Variants in ANKRD46 observed in about 807,000 individuals in gnomAD.
ANKRD46 encodes ankyrin repeat domain-containing protein 46.
Under a neutral mutation model 19.8 loss-of-function variants are expected in ANKRD46, and 13 were observed. The ratio of observed to expected loss-of-function variants is 0.66; its 90% CI spans 0.43 to 1.04. The LOEUF (loss-of-function observed/expected upper bound fraction) is 1.04, where lower values mean the gene tolerates loss of function less well. Ranked by LOEUF, ANKRD46 falls within the 50% of genes least tolerant of loss-of-function variation. The probability of loss-of-function intolerance (pLI) is 0.00; values close to 1 mark genes in which losing one functional copy is unlikely to be tolerated. For synonymous variants in ANKRD46, 91 were observed against 106.9 expected, an observed-to-expected ratio of 0.85 and a Z score of 0.92; for missense variants, 185 against 274.8, an observed-to-expected ratio of 0.67 and a Z score of 2.31.
In ANKRD46 at chr8:100,532,991, A is replaced by C. The variant is rs533812046; in HGVS notation, c.-28+218T>G. Among the ~76,000 whole-genome samples, 1 of 152,370 alleles carries C rather than the reference A, an allele frequency of 6.6e-6. No individual in the cohort carries two copies. The highest frequency in any genetic ancestry group is 6.5e-5 in the Admixed American group (1 of 15,308). Reference sequence around the variant, plus strand: ...CTAGGATACTTCTGAGTGTTGGCTCAGCAAGAAATACAAGTCTCTGTGTCT... The same window carrying C: ...CTAGGATACTTCTGAGTGTTGGCTCCGCAAGAAATACAAGTCTCTGTGTCT... On this transcript the variant is annotated intron_variant, in intron 2 of 4. Transcript: ENST00000335659. This position sits in a 1 kb window ranked among gnomAD's most constrained non-coding sequence, Gnocchi z 4.7.
chr8:100,533,477 A>G (rs1812004314), intron 1 of ANKRD46, among the ~76,000 whole-genome samples, 166 bp from the exon 2 acceptor site: 1 of 152,240 alleles, frequency 6.6e-6, no homozygotes, highest in Non-Finnish European at 1.5e-5. Context: ...GTAACAAAGT[A>G]GTGAAAAGGA....
intron 1 of ANKRD46, chr8:100,551,081 CA>C: frequency 2.0e-6 from 1 of 510,704 alleles, no homozygotes; most frequent in Non-Finnish European, 3.8e-6. Context: ...ACAGCCTTGG[CA>C]ACACCAGTAG....
chr8:100,523,929 C>A (rs1454400348), intron 4 of ANKRD46, among the ~76,000 whole-genome samples: 1 of 152,212 alleles, frequency 6.6e-6, no homozygotes, highest in Non-Finnish European at 1.5e-5. Flanking sequence ...CAGGCATGAG[C>A]CACCACAGCT....
At position 100,546,904 on chromosome 8, in the gene ANKRD46, T is replaced by C. The variant is rs1029239207; in HGVS notation, c.-131+12807A>G. On this transcript the variant is annotated intron_variant, in intron 1 of 4. Coordinates refer to ENST00000335659, the MANE Select transcript of ANKRD46 (RefSeq NM_001270377.2). The surrounding 1 kb of genome is among the most constrained non-coding windows in gnomAD (Gnocchi z 4.0). ...TGACTGCCTGGCTGGGTTTCAGACT[T>C]GCATGAGGCCTGAGGCCCCTTTGTT... Among the ~76,000 whole-genome samples the C allele has an allele frequency of 6.6e-6, 1 of 152,334 alleles. No homozygotes were observed. Among genetic ancestry groups the C allele is most frequent in the South Asian group, 2.1e-4 (1 of 4,830 alleles).
At position 100,557,623 on chromosome 8, in the gene ANKRD46, TG is replaced by T. The variant is rs1563495441; in HGVS notation, c.-131+2087del. ...CAGAGTAAAAGCAAAAGTCCTTACCTGGGCCCATTAGCTCTCTGACCTTGTC... is the reference window on the plus strand; with the variant it reads ...CAGAGTAAAAGCAAAAGTCCTTACCTGGCCCATTAGCTCTCTGACCTTGTC... On this transcript the variant is annotated intron_variant, in intron 1 of 4. Coordinates refer to ENST00000335659, the MANE Select transcript of ANKRD46 (RefSeq NM_001270377.2). This position sits in a 1 kb window ranked among gnomAD's most constrained non-coding sequence, Gnocchi z 5.9. Among the ~76,000 whole-genome samples, 1 of 152,204 alleles carries T rather than the reference TG, an allele frequency of 6.6e-6. No homozygotes were observed. Among genetic ancestry groups the T allele is most frequent in the Non-Finnish European group, 1.5e-5 (1 of 68,028 alleles).
rs1401520469 is a variant in ANKRD46, at chr8:100,538,874, CTG to C, written c.-130-5565_-130-5564del. On this transcript the variant is annotated intron_variant, in intron 1 of 4. Transcript: ENST00000335659. The stretch of plus-strand genomic sequence containing the variant: ...TCTTGTCAGATGCTGTTAAAAGAAA[CTG>C]GATACTAAGGGATGACTGTATTCTA... Among the ~76,000 whole-genome samples the C allele has an allele frequency of 3.3e-5, 5 of 152,202 alleles. No individual in the cohort carries two copies. The East Asian group carries it at 7.7e-4, about 23-fold the overall frequency.
At chr8:100,540,621 C>T (rs890875607) in intron 1 of ANKRD46, among the ~76,000 whole-genome samples, 2 of 152,100 alleles carry the variant, frequency 1.3e-5, no homozygotes, top group Admixed American at 6.5e-5. Context: ...ACACCAACAA[C>T]GATTTCTGAT....
intron 4 of ANKRD46, among the ~76,000 whole-genome samples, 166 bp from the exon 5 acceptor site, chr8:100,522,937 G>A (rs548679502): frequency 6.8e-6 from 1 of 147,462 alleles, no homozygotes; most frequent in African/African-American, 2.5e-5. Context: ...ACATGCTTAC[G>A]TATCTGAACA....
downstream of ANKRD46, among the ~76,000 whole-genome samples, chr8:100,517,275 C>T (rs368354617): frequency 5.3e-5 from 8 of 152,192 alleles, no homozygotes; most frequent in East Asian, 1.5e-3. Context: ...ATCTTCTTTA[C>T]CTTTGCTGCC....
chr8:100,522,792 A>G, intron 4 of ANKRD46, 21 bp from the exon 5 acceptor site: 1 of 1,609,058 alleles, frequency 6.2e-7, no homozygotes, highest in Non-Finnish European at 8.5e-7. Context: ...AGAAAGAGCA[A>G]AAAGGGCATT....
intron 1 of ANKRD46, among the ~76,000 whole-genome samples, chr8:100,547,139 T>C (rs1812288910): frequency 6.6e-6 from 1 of 152,162 alleles, no homozygotes; most frequent in African/African-American, 2.4e-5. Flanking sequence ...ATGATTGGTT[T>C]TGAAATGTGA....
intron 1 of ANKRD46, chr8:100,554,709 A>T (rs1260599122): frequency 6.6e-6 from 1 of 152,150 alleles, no homozygotes; most frequent in African/African-American, 2.4e-5. Context: ...TGAGCAACAG[A>T]GCAAAACCCT....
downstream of ANKRD46, among the ~76,000 whole-genome samples, chr8:100,517,059 T>C (rs1469230357): frequency 6.6e-6 from 1 of 152,170 alleles, no homozygotes; most frequent in Non-Finnish European, 1.5e-5. Context: ...GTTTCTCTAA[T>C]GGTGAGGTGG....
At position 100,529,948 on chromosome 8, in the gene ANKRD46, T is replaced by A; in HGVS notation, c.-27-88A>T. ...TTAGAAAAGCAATATTTCTCATCCT[T>A]TTTGGCCTCCTGCCTCTAATAAATA... On this transcript the variant is annotated intron_variant, in intron 2 of 4. Coordinates refer to ENST00000335659, the MANE Select transcript of ANKRD46 (RefSeq NM_001270377.2). The surrounding 1 kb of genome is among the most constrained non-coding windows in gnomAD (Gnocchi z 5.8). The A allele has an allele frequency of 9.7e-7, 1 of 1,034,754 alleles. No homozygotes were observed. The highest frequency in any genetic ancestry group is 1.8e-5 in the South Asian group (1 of 55,938). The allele number at this position is 1,034,754 out of a possible 1,614,324, so 64.1% of individuals were successfully genotyped here.
chr8:100,540,790 C>T (rs1002236756), intron 1 of ANKRD46, among the ~76,000 whole-genome samples: 3 of 152,072 alleles, frequency 2.0e-5, no homozygotes. Context: ...ATTTCACATT[C>T]TAATATCTTA....
At chr8:100,551,373 C>G (rs934096067) in intron 1 of ANKRD46, 8 of 591,264 alleles carry the variant, frequency 1.4e-5, no homozygotes, top group African/African-American at 9.2e-5. Context: ...CCTTTTGGCT[C>G]CCCCATTAAG....
At position 100,550,975 on chromosome 8, in the gene ANKRD46, C is replaced by T. The variant is rs1333826808; in HGVS notation, c.-131+8736G>A. 1.8e-6 allele frequency: 1 copy of T among 566,128 alleles called. No homozygotes were observed. Among genetic ancestry groups the T allele is most frequent in the Non-Finnish European group, 3.4e-6 (1 of 298,320 alleles). 35.1% of individuals were successfully genotyped at this position (566,128 alleles called of 1,614,324 possible). ...TGTCATCATATTTGGCAGGTTTCTC[C>T]AGATGGCAGGTCAGGTCCACAACCA... On this transcript the variant is annotated intron_variant, in intron 1 of 4. Transcript: ENST00000335659. The surrounding 1 kb of genome is among the most constrained non-coding windows in gnomAD (Gnocchi z 4.4).
In ANKRD46 at chr8:100,522,372, A is replaced by G. The variant is rs1161752847; in HGVS notation, c.*183T>C. The G allele has an allele frequency of 1.4e-6, 2 of 1,420,064 alleles. No homozygotes were observed. Among genetic ancestry groups the G allele is most frequent in the African/African-American group, 2.9e-5 (2 of 69,392 alleles). The allele number at this position is 1,420,064 out of a possible 1,614,324, so 88.0% of individuals were successfully genotyped here. A position where few individuals can be genotyped will look rare whatever the true frequency, so the allele number is the denominator to read the frequency against. On this transcript the variant is annotated 3_prime_UTR_variant, in exon 5 of 5. Coordinates refer to ENST00000335659, the MANE Select transcript of ANKRD46 (RefSeq NM_001270377.2). ...GTAGCGTTAGGATGCAATATACTTG[A>G]TCATAGTATGTAGTTAGTTCAAATG...
chr8:100,538,652 A>T (rs114252582), intron 1 of ANKRD46, among the ~76,000 whole-genome samples: 2 of 152,116 alleles, frequency 1.3e-5, no homozygotes, highest in Admixed American at 6.5e-5. Flanking sequence ...ACTAATAAAA[A>T]GTGTGAATAA....
Sources: gnomAD v4.1 joint callset for allele counts (sites outside exome capture counted in the v4.1 genomes callset) on GRCh38, gnomAD v4.1.1 for gene constraint, Gnocchi (gnomAD v3.1) non-coding constraint, MANE v1.5 for transcripts, NCBI Gene and HGNC (gene_info 2026-07-23, HGNC 2026-07-21) for gene names.